The following CCDC192 variants were observed in gnomAD, a reference collection of about 807,000 sequenced individuals.
CCDC192 encodes the protein coiled-coil domain-containing protein 192.
chr5:127,900,257 A>G (rs781282699), intron 6 of CCDC192, among the ~76,000 whole-genome samples: 1 of 152,172 alleles, frequency 6.6e-6, no homozygotes, highest in Non-Finnish European at 1.5e-5. Flanking sequence ...CTTTTCCTGG[A>G]GGTGTCTGTT....
At chr5:127,729,085 T>G (rs1752494935) in intron 2 of CCDC192, among the ~76,000 whole-genome samples, 1 of 151,996 alleles carries the variant, frequency 6.6e-6, no homozygotes, top group South Asian at 2.1e-4. Flanking sequence ...TTTTGTAGTT[T>G]TAGTAGAGAC....
intron 5 of CCDC192, among the ~76,000 whole-genome samples, chr5:127,833,650 T>C (rs1749898955): frequency 6.6e-6 from 1 of 152,204 alleles, no homozygotes; most frequent in African/African-American, 2.4e-5. Flanking sequence ...GGTTGAAAGC[T>C]AGTATTTCTT....
At chr5:127,851,384 C>T (rs1269108716) in intron 5 of CCDC192, among the ~76,000 whole-genome samples, 1 of 152,160 alleles carries the variant, frequency 6.6e-6, no homozygotes, top group Non-Finnish European at 1.5e-5. Flanking sequence ...GGAATATCAA[C>T]TATTTATGAT....
chr5:127,837,315 G>A lies in CCDC192; in HGVS notation c.412-38223G>A, dbSNP rs1349286618. On this transcript the variant is annotated intron_variant, in intron 5 of 6. Transcript: ENST00000514853. The stretch of plus-strand genomic sequence containing the variant: ...TTGACTCACAGTTCTACATGGCTGG[G>A]GAGGCCTCAGGAAACTTACAATCAT... 6.5e-4 allele frequency among the ~76,000 whole-genome samples: 53 copies of A among 81,432 alleles called. 20 individuals are homozygous for A. The highest frequency in any genetic ancestry group is 2.0e-3 in the African/African-American group (49 of 24,500). 53.4% of individuals were successfully genotyped at this position (81,432 alleles called of 152,430 possible).
intron 3 of CCDC192, among the ~76,000 whole-genome samples, chr5:127,773,143 G>A (rs918849754): frequency 6.6e-6 from 1 of 152,110 alleles, no homozygotes; most frequent in African/African-American, 2.4e-5. Context: ...CCCACCTGAG[G>A]TTTGTATTTA....
intron 5 of CCDC192, among the ~76,000 whole-genome samples, chr5:127,817,900 A>G (rs1749102794): frequency 6.6e-6 from 1 of 152,200 alleles, no homozygotes. Context: ...TTTTAGAAAC[A>G]TTGCATCTAG....
rs148151880 is a variant in CCDC192 at position 127,754,228 on chromosome 5, C to T, written c.115-40C>T. ...ATTGTTTGAGATGCACTCAAACTAT[C>T]CATGTCAAAAAGTAATACTTGATTT... On this transcript the variant is annotated intron_variant, in intron 2 of 6. Coordinates refer to ENST00000514853, the MANE Select transcript of CCDC192 (RefSeq NM_001317938.2). The T allele has an allele frequency of 6.1e-4, 241 of 397,540 alleles. 1 individual carries two copies. The highest frequency in any genetic ancestry group is 4.6e-3 in the African/African-American group (223 of 48,504). 24.6% of individuals were successfully genotyped at this position (397,540 alleles called of 1,614,324 possible).
intron 3 of CCDC192, among the ~76,000 whole-genome samples, chr5:127,755,310 G>C (rs1754513450): frequency 6.6e-6 from 1 of 152,078 alleles, no homozygotes; most frequent in East Asian, 1.9e-4. Flanking sequence ...CAGAATTTTA[G>C]CGGAAACTAA....
At chr5:127,876,627 A>AT (rs759599211) in intron 6 of CCDC192, among the ~76,000 whole-genome samples, 7 of 152,128 alleles carry the variant, frequency 4.6e-5, no homozygotes, top group Non-Finnish European at 1.0e-4. Flanking sequence ...TCTTCCTTTG[A>AT]TGTGTGCCAC....
At chr5:127,835,920 C>T (rs983850225) in intron 5 of CCDC192, among the ~76,000 whole-genome samples, 8 of 152,172 alleles carry the variant, frequency 5.3e-5, no homozygotes, top group Admixed American at 2.0e-4. Flanking sequence ...TCCCAAATTT[C>T]ATGTCCTCAC....
intron 5 of CCDC192, among the ~76,000 whole-genome samples, chr5:127,854,525 A>G (rs568341856): frequency 1.0e-3 from 152 of 152,300 alleles, no homozygotes; most frequent in African/African-American, 3.6e-3. Flanking sequence ...GTGTATGTAT[A>G]GTATAGGAAA....
At chr5:127,789,858 A>G (rs1456438672) in intron 3 of CCDC192, among the ~76,000 whole-genome samples, 1 of 152,236 alleles carries the variant, frequency 6.6e-6, no homozygotes, top group East Asian at 1.9e-4. Context: ...CTCCAACTAA[A>G]GCCATGATGG....
chr5:127,728,805 T>G (rs1416630598), intron 2 of CCDC192, among the ~76,000 whole-genome samples: 1 of 152,138 alleles, frequency 6.6e-6, no homozygotes, highest in Non-Finnish European at 1.5e-5. Context: ...GAGAACCATC[T>G]CATGTGCAAA....
chr5:127,850,527 G>C (rs765005594), intron 5 of CCDC192, among the ~76,000 whole-genome samples: 2 of 152,122 alleles, frequency 1.3e-5, no homozygotes, highest in African/African-American at 2.4e-5. Flanking sequence ...AGAGCCCACC[G>C]TATAAGCAGG....
At chr5:127,823,791 C>T (rs1277727881) in intron 5 of CCDC192, among the ~76,000 whole-genome samples, 1 of 152,186 alleles carries the variant, frequency 6.6e-6, no homozygotes, top group Non-Finnish European at 1.5e-5. Context: ...TCTCTACAAT[C>T]GTGTTTCAGA....
At chr5:127,839,833 G>A (rs1419957431) in intron 5 of CCDC192, among the ~76,000 whole-genome samples, 1 of 151,784 alleles carries the variant, frequency 6.6e-6, no homozygotes, top group East Asian at 1.9e-4. Context: ...ACAAATAAGA[G>A]TTTTTAAAAA....
chr5:127,707,973 G>T (rs1329400956), intron 2 of CCDC192, among the ~76,000 whole-genome samples: 1 of 152,020 alleles, frequency 6.6e-6, no homozygotes, highest in Admixed American at 6.6e-5. Context: ...TGTTACTGGG[G>T]CTTTGGAAAA....
At chr5:127,907,660 T>C (rs1753237203) in intron 6 of CCDC192, among the ~76,000 whole-genome samples, 1 of 152,230 alleles carries the variant, frequency 6.6e-6, no homozygotes, top group Non-Finnish European at 1.5e-5. Flanking sequence ...TCGATTTTAC[T>C]TCAAAAGGGT....
intron 5 of CCDC192, among the ~76,000 whole-genome samples, chr5:127,835,254 G>T (rs1480488202): frequency 6.6e-6 from 1 of 152,106 alleles, no homozygotes; most frequent in Non-Finnish European, 1.5e-5. Context: ...GGATAAAATT[G>T]GTTCAGTTTA....
Sources: gnomAD v4.1 joint callset for allele counts (sites outside exome capture counted in the v4.1 genomes callset) on GRCh38, gnomAD v4.1.1 for gene constraint, MANE v1.5 for transcripts, NCBI Gene and HGNC (gene_info 2026-07-23, HGNC 2026-07-21) for gene names.